The following CSMD3 variants were observed in gnomAD, a reference collection of about 807,000 sequenced individuals.
The protein encoded by CSMD3 is CUB and Sushi multiple domains 3.
In CSMD3, 177 loss-of-function variants were observed where a neutral mutation model predicts 435.2. That is an observed-to-expected ratio of 0.41 (90% confidence interval 0.36 to 0.46). CSMD3 has a LOEUF of 0.46. Among genes scored for constraint, CSMD3 ranks in the 20% least tolerant of loss-of-function variants. The pLI is 0.34. For missense variants in CSMD3, 4,265 were observed against 4,504.6 expected (o/e 0.95, Z 1.52); for synonymous variants, 1,656 against 1,520.5 (o/e 1.09, Z -2.07).
At chr8:112,298,124 T>C in intron 53 of CSMD3, among the ~76,000 whole-genome samples, 1 of 149,156 alleles carries the variant, frequency 6.7e-6, no homozygotes, top group Non-Finnish European at 1.5e-5. Flanking sequence ...ACTCTGTTCA[T>C]GGATCACAAG....
At chr8:113,266,861 C>A (rs1193553444) in intron 3 of CSMD3, among the ~76,000 whole-genome samples, 1 of 151,430 alleles carries the variant, frequency 6.6e-6, no homozygotes, top group African/African-American at 2.4e-5. Context: ...CAACAGTGAA[C>A]TAATATGTCC....
At chr8:113,060,839 T>G (rs1290672532) in intron 5 of CSMD3, among the ~76,000 whole-genome samples, 1 of 152,262 alleles carries the variant, frequency 6.6e-6, no homozygotes, top group East Asian at 1.9e-4. Context: ...GCAAATCAGC[T>G]GAGGTTTAGG....
chr8:112,896,538 A>G (rs2130383281), intron 10 of CSMD3, among the ~76,000 whole-genome samples: 1 of 144,358 alleles, frequency 6.9e-6, no homozygotes, highest in East Asian at 2.1e-4. Flanking sequence ...ACCCAGTACC[A>G]CCTTATTTAA....
chr8:112,306,251 G>A lies in CSMD3; in HGVS notation c.7886-59C>T, dbSNP rs922811434. The A allele has an allele frequency of 5.4e-6, 7 of 1,296,294 alleles. No homozygotes were observed. The Admixed American group carries it at 1.2e-4, about 23-fold the overall frequency. 80.3% of individuals were successfully genotyped at this position (1,296,294 alleles called of 1,614,324 possible). ...AACAGAAAAATGTTTAATTTATTAGGTAACTCTGCTGAACTGTAAAACATG... is the reference window on the plus strand; with the variant it reads ...AACAGAAAAATGTTTAATTTATTAGATAACTCTGCTGAACTGTAAAACATG... On this transcript the variant is annotated intron_variant, in intron 50 of 70. Coordinates refer to ENST00000297405, the MANE Select transcript of CSMD3 (RefSeq NM_198123.2).
intron 54 of CSMD3, among the ~76,000 whole-genome samples, chr8:112,293,981 A>G (rs564817455): frequency 3.9e-5 from 6 of 152,238 alleles, no homozygotes; most frequent in Admixed American, 3.9e-4. Context: ...AACAAGAAAA[A>G]CAGTGGTATT....
chr8:112,707,718 T>C (rs1201754390), intron 13 of CSMD3, among the ~76,000 whole-genome samples: 1 of 152,116 alleles, frequency 6.6e-6, no homozygotes, highest in Admixed American at 6.6e-5. Context: ...AAAAATTTAT[T>C]CTCAAAAGAG....
chr8:112,444,754 G>A (rs1165141503), intron 32 of CSMD3, among the ~76,000 whole-genome samples: 1 of 152,106 alleles, frequency 6.6e-6, no homozygotes, highest in Non-Finnish European at 1.5e-5. Flanking sequence ...GAAACTTTTG[G>A]AAATAACAGA....
In CSMD3 at chr8:112,614,006, A is replaced by G. The variant is rs556508270; in HGVS notation, c.3715+22811T>C. On this transcript the variant is annotated intron_variant, in intron 22 of 70. Coordinates refer to ENST00000297405, the MANE Select transcript of CSMD3 (RefSeq NM_198123.2). The stretch of plus-strand genomic sequence containing the variant: ...ATTGGTAGATTAAACAATAAGTCAG[A>G]TGGTTGTATGTGCTAAGGAGAATAA... Among the ~76,000 whole-genome samples, 3 of 152,284 alleles carry G rather than the reference A, an allele frequency of 2.0e-5. No individual in the cohort carries two copies. The South Asian group carries it at 6.2e-4, about 32-fold the overall frequency.
intron 3 of CSMD3, among the ~76,000 whole-genome samples, chr8:113,274,348 A>G (rs2093553343): frequency 6.6e-6 from 1 of 152,276 alleles, no homozygotes; most frequent in Non-Finnish European, 1.5e-5. Context: ...TAGAGACTGT[A>G]TAACTCATTC....
intron 37 of CSMD3, 38 bp from the exon 38 acceptor site, chr8:112,380,494 T>A (rs2131236110): frequency 1.0e-6 from 1 of 966,630 alleles, no homozygotes; most frequent in Non-Finnish European, 1.7e-6. Context: ...AATGACCACA[T>A]AATAAGTACT....
intron 11 of CSMD3, among the ~76,000 whole-genome samples, chr8:112,838,609 A>C (rs2080094668): frequency 6.6e-6 from 1 of 151,744 alleles, no homozygotes; most frequent in Non-Finnish European, 1.5e-5. Flanking sequence ...TCAAAGGCCC[A>C]CACAAAAATC....
At chr8:112,599,758 C>G (rs1206444303) in intron 22 of CSMD3, among the ~76,000 whole-genome samples, 3 of 150,322 alleles carry the variant, frequency 2.0e-5, no homozygotes, top group African/African-American at 7.4e-5. Flanking sequence ...TCTCAGTAAA[C>G]TATCGCAAGA....
intron 13 of CSMD3, among the ~76,000 whole-genome samples, chr8:112,739,862 T>C (rs2077264926): frequency 6.6e-6 from 1 of 151,876 alleles, no homozygotes; most frequent in Non-Finnish European, 1.5e-5. Context: ...AAGTTTTGTA[T>C]TATGTACTAC....
chr8:113,268,795 C>T (rs1365194655), intron 3 of CSMD3, among the ~76,000 whole-genome samples: 7 of 152,006 alleles, frequency 4.6e-5, no homozygotes, highest in African/African-American at 1.4e-4. Context: ...TAGTTCTATG[C>T]CACTAATGGA....
At chr8:113,118,191 C>T (rs146547638) in intron 4 of CSMD3, among the ~76,000 whole-genome samples, 9 of 152,306 alleles carry the variant, frequency 5.9e-5, no homozygotes, top group Admixed American at 2.0e-4. Context: ...ACCGTTGTCT[C>T]ATTTGACTTT....
At chr8:112,236,013 T>A in intron 67 of CSMD3, among the ~76,000 whole-genome samples, 1 of 151,954 alleles carries the variant, frequency 6.6e-6, no homozygotes, top group East Asian at 1.9e-4. Flanking sequence ...TGTATTTGTC[T>A]CATTCATTTA....
intron 13 of CSMD3, among the ~76,000 whole-genome samples, chr8:112,782,507 G>T (rs2078416317): frequency 6.6e-6 from 1 of 152,044 alleles, no homozygotes; most frequent in Non-Finnish European, 1.5e-5. Flanking sequence ...TAGAGAGAAA[G>T]ATCAGGGTAG....
At chr8:113,042,880 C>T (rs1370117497) in intron 5 of CSMD3, among the ~76,000 whole-genome samples, 1 of 152,184 alleles carries the variant, frequency 6.6e-6, no homozygotes, top group Non-Finnish European at 1.5e-5. Context: ...GGAAGCCAAC[C>T]TCCACGTTGT....
chr8:113,260,964 C>A (rs1275144888), intron 3 of CSMD3, among the ~76,000 whole-genome samples: 1 of 152,042 alleles, frequency 6.6e-6, no homozygotes, highest in African/African-American at 2.4e-5. Flanking sequence ...TTTCTTTATC[C>A]AGTCTATTAC....
Sources: allele counts gnomAD v4.1 joint callset (sites outside exome capture counted in the v4.1 genomes callset), GRCh38; gene constraint gnomAD v4.1.1; transcripts MANE v1.5; gene names NCBI Gene and HGNC (gene_info 2026-07-23, HGNC 2026-07-21).